Variants in SYNDIG1L observed in about 807,000 individuals in gnomAD.
SYNDIG1L encodes the protein synapse differentiation inducing 1 like, also known as synapse differentiation-inducing gene protein 1-like.
In SYNDIG1L, 13 loss-of-function variants were observed where a neutral mutation model predicts 20.1. The ratio of observed to expected loss-of-function variants is 0.65; its 90% confidence interval spans 0.42 to 1.03. The LOEUF (loss-of-function observed/expected upper bound fraction) is 1.03, where lower values mean the gene tolerates loss of function less well. SYNDIG1L is among the 50% of genes least tolerant of loss of function. SYNDIG1L has a pLI of 0.00. For missense variants in SYNDIG1L, 294 were observed against 305.1 expected (o/e 0.96, Z 0.27); for synonymous variants, 128 against 129.3 (o/e 0.99, Z 0.07).
At chr14:74,437,614 C>T in the SYNDIG1L span, among the ~76,000 whole-genome samples, 17 of 152,176 alleles carry the variant, frequency 1.1e-4, no homozygotes, top group Non-Finnish European at 1.5e-5. Flanking sequence ...TTAATAATGT[C>T]AGAGGAGAAG....
At chr14:74,435,766 A>G in the SYNDIG1L span, among the ~76,000 whole-genome samples, 1 of 152,224 alleles carries the variant, frequency 6.6e-6, no homozygotes, top group East Asian at 1.9e-4. Context: ...GAACATGTAC[A>G]GGGGACTTTG....
the SYNDIG1L span, among the ~76,000 whole-genome samples, chr14:74,468,878 C>G: frequency 6.6e-6 from 1 of 152,194 alleles, no homozygotes; most frequent in African/African-American, 2.4e-5. Flanking sequence ...GAATAATTGT[C>G]TATCTCCTCC....
upstream of SYNDIG1L, among the ~76,000 whole-genome samples, chr14:74,430,368 G>A (rs1031183918): frequency 6.6e-6 from 1 of 152,144 alleles, no homozygotes; most frequent in Non-Finnish European, 1.5e-5. Context: ...CTTATCAACA[G>A]TGGCAAGCAG....
At chr14:74,416,505 A>G (rs1258310936) in intron 1 of SYNDIG1L, among the ~76,000 whole-genome samples, 1 of 152,132 alleles carries the variant, frequency 6.6e-6, no homozygotes, top group Admixed American at 6.5e-5. Context: ...GTGGTGGTGC[A>G]CACCTGTAGT....
At position 74,406,919 on chromosome 14, in the gene SYNDIG1L, C is replaced by G. The variant is rs2086086255; in HGVS notation, c.*616G>C. ...ACATACCGAGGCTCCTCTTCCCTAT[C>G]TAGAATCTACAGTGCCTCACAAGCC... On this transcript the variant is annotated 3_prime_UTR_variant, in exon 4 of 4. Transcript: ENST00000331628. The G allele has an allele frequency of 6.5e-6, 1 of 152,972 alleles. No homozygotes were observed. Among genetic ancestry groups the G allele is most frequent in the Non-Finnish European group, 1.5e-5 (1 of 68,602 alleles). 9.5% of individuals were successfully genotyped at this position (152,972 alleles called of 1,614,324 possible).
chr14:74,422,956 C>A (rs900934347), intron 1 of SYNDIG1L, among the ~76,000 whole-genome samples: 6 of 152,158 alleles, frequency 3.9e-5, no homozygotes, highest in Admixed American at 2.6e-4. Flanking sequence ...GCCTCAGCCT[C>A]CTAAAGTGCT....
upstream of SYNDIG1L, among the ~76,000 whole-genome samples, chr14:74,431,206 T>G (rs1451066377): frequency 6.6e-6 from 1 of 152,090 alleles, no homozygotes; most frequent in Admixed American, 6.6e-5. Context: ...ACTGCTCCCA[T>G]CTTTGTGCAT....
the SYNDIG1L span, among the ~76,000 whole-genome samples, chr14:74,459,717 AT>A: frequency 6.6e-6 from 1 of 152,152 alleles, no homozygotes; most frequent in African/African-American, 2.4e-5. Flanking sequence ...CTACCTCTAC[AT>A]TAGTTGGCCA....
chr14:74,407,475 T>G lies in SYNDIG1L; in HGVS notation c.*60A>C, dbSNP rs1271677518. The G allele has an allele frequency of 6.2e-7, 1 of 1,606,116 alleles. No homozygotes were observed. Among genetic ancestry groups the G allele is most frequent in the African/African-American group, 1.3e-5 (1 of 74,866 alleles). On this transcript the variant is annotated 3_prime_UTR_variant, in exon 4 of 4. Transcript: ENST00000331628. Reference sequence around the variant, plus strand: ...CGGGCCTTTCCATAGGGTCTGCAACTCCAAGCCCCACTGCTTCCTCAGGTG... The same window carrying G: ...CGGGCCTTTCCATAGGGTCTGCAACGCCAAGCCCCACTGCTTCCTCAGGTG...
At chr14:74,463,447 C>T in the SYNDIG1L span, among the ~76,000 whole-genome samples, 1 of 152,304 alleles carries the variant, frequency 6.6e-6, no homozygotes, top group East Asian at 1.9e-4. Context: ...TCTTCTGCCA[C>T]TCCTGCACAC....
chr14:74,470,558 G>C, the SYNDIG1L span, among the ~76,000 whole-genome samples: 4 of 152,230 alleles, frequency 2.6e-5, no homozygotes, highest in Non-Finnish European at 5.9e-5. Context: ...GATTTGCTCA[G>C]GAAGGAAGAG....
Position 74,407,965 on chromosome 14 carries a change from C to G in SYNDIG1L, c.442G>C (p.Glu148Gln). 1.2e-6 allele frequency: 2 copies of G among 1,612,910 alleles called. No individual in the cohort carries two copies. The highest frequency in any genetic ancestry group is 2.2e-5 in the South Asian group (2 of 90,856). ...EESDATSTES[E>Q]SEDNFLTLPP... ...AGCGTGAGGAAGTTGTCTTCACTTT[C>G]ACTCTCCGTTGAAGTGGCATCGCTC... Residue 148 changes from glutamate to glutamine, a missense_variant, in exon 3 of 4, where the codon GAA (glutamate) becomes CAA (glutamine). Glu to Gln is a conservative substitution (Grantham distance 29, BLOSUM62 2). Coordinates refer to ENST00000331628, the MANE Select transcript of SYNDIG1L (RefSeq NM_001105579.2).
At chr14:74,453,695 G>C in the SYNDIG1L span, among the ~76,000 whole-genome samples, 2 of 152,178 alleles carry the variant, frequency 1.3e-5, no homozygotes, top group Non-Finnish European at 2.9e-5. Flanking sequence ...GCTCACACCT[G>C]TAATCCTAGA....
At chr14:74,464,550 T>C in the SYNDIG1L span, among the ~76,000 whole-genome samples, 3 of 152,228 alleles carry the variant, frequency 2.0e-5, no homozygotes, top group South Asian at 4.1e-4. Flanking sequence ...CTGTACTACA[T>C]TATCCCCAGA....
upstream of SYNDIG1L, among the ~76,000 whole-genome samples, chr14:74,429,578 C>T (rs2086289134): frequency 6.6e-6 from 1 of 152,250 alleles, no homozygotes; most frequent in Non-Finnish European, 1.5e-5. Context: ...AGCCCCACCC[C>T]TGGCCTAGTG....
At chr14:74,461,880 G>T in the SYNDIG1L span, among the ~76,000 whole-genome samples, 3 of 143,182 alleles carry the variant, frequency 2.1e-5, no homozygotes, top group Non-Finnish European at 4.5e-5. Flanking sequence ...TCAGGAGTTT[G>T]AGGCCAGCCT....
At chr14:74,422,693 T>TTTC (rs1566585550) in intron 1 of SYNDIG1L, among the ~76,000 whole-genome samples, 59 of 96,884 alleles carry the variant, frequency 6.1e-4, no homozygotes, top group African/African-American at 2.0e-3. Context: ...TTTCTCTTTT[T>TTTC]TTTCTTTCTT....
chr14:74,416,264 A>G (rs2086173884), intron 1 of SYNDIG1L, among the ~76,000 whole-genome samples: 1 of 152,184 alleles, frequency 6.6e-6, no homozygotes, highest in African/African-American at 2.4e-5. Flanking sequence ...GACTACATAT[A>G]TTTCACAAAA....
chr14:74,436,717 G>A, the SYNDIG1L span, among the ~76,000 whole-genome samples: 1 of 152,006 alleles, frequency 6.6e-6, no homozygotes, highest in South Asian at 2.1e-4. Context: ...AGGCGTGGTG[G>A]GACGCGCCTG....
Sources: allele counts gnomAD v4.1 joint callset (sites outside exome capture counted in the v4.1 genomes callset), GRCh38; gene constraint gnomAD v4.1.1; transcripts MANE v1.5; gene names NCBI Gene and HGNC (gene_info 2026-07-23, HGNC 2026-07-21).